The following NTRK2 variants were observed in gnomAD, a reference collection of about 807,000 sequenced individuals.
The protein encoded by NTRK2 is BDNF/NT-3 growth factors receptor.
A neutral mutation model predicts 94.5 loss-of-function variants in NTRK2; 13 were observed. The ratio of observed to expected loss-of-function variants is 0.14; its 90% CI spans 0.09 to 0.22. NTRK2 has a LOEUF of 0.22. Ranked by LOEUF, NTRK2 falls within the 10% of genes least tolerant of loss-of-function variation. The probability of loss-of-function intolerance (pLI) is 1.00; values close to 1 mark genes in which losing one functional copy is unlikely to be tolerated. For missense variants in NTRK2, 639 were observed against 1,071.2 expected (o/e 0.60, Z 5.63); for synonymous variants, 372 against 407.4 (o/e 0.91, Z 1.05).
chr9:84,754,714 G>GT (rs781500931), intron 12 of NTRK2, among the ~76,000 whole-genome samples: 1 of 152,180 alleles, frequency 6.6e-6, no homozygotes, highest in East Asian at 1.9e-4. Flanking sequence ...TGTGGCTGCT[G>GT]TGCAGATGAG....
chr9:84,757,214 C>G (rs2065160497), intron 12 of NTRK2, among the ~76,000 whole-genome samples: 1 of 152,108 alleles, frequency 6.6e-6, no homozygotes, highest in African/African-American at 2.4e-5. Flanking sequence ...TGAATGCACT[C>G]TTGTTTTTCA....
intron 15 of NTRK2, 137 bp downstream of exon 15, chr9:84,934,429 A>T: frequency 1.1e-6 from 1 of 948,940 alleles, no homozygotes; most frequent in Non-Finnish European, 1.6e-6. Flanking sequence ...AAATTCCTTT[A>T]AACTAAATGG....
chr9:84,870,098 T>A (rs1314604656), intron 14 of NTRK2, among the ~76,000 whole-genome samples: 1 of 6,608 alleles, frequency 1.5e-4, no homozygotes, highest in African/African-American at 4.7e-4. Flanking sequence ...TCCCATTGAC[T>A]ATATATATAT....
chr9:84,881,265 C>T (rs1008447886), intron 14 of NTRK2, among the ~76,000 whole-genome samples: 2 of 152,026 alleles, frequency 1.3e-5, no homozygotes, highest in African/African-American at 4.8e-5. Context: ...GGACCTTTAA[C>T]AATAAAACTC....
In NTRK2 at chr9:84,670,839, G is replaced by C; in HGVS notation, c.91G>C (p.Ala31Pro). Residue 31 changes from alanine (A) to proline (P), a missense_variant, in exon 2 of 19, where the codon GCC (alanine) becomes CCC (proline). Ala to Pro is a conservative substitution (Grantham distance 27). Coordinates refer to ENST00000277120, the MANE Select transcript of NTRK2 (RefSeq NM_006180.6). Reference protein sequence around the residue: ...LVVGFWRAAFACPTSCKCSAS... With the variant: ...LVVGFWRAAFPCPTSCKCSAS... ...TGTGGGCTTCTGGAGGGCCGCTTTCGCCTGTCCCACGTCCTGCAAATGCAG... is the reference window on the plus strand; with the variant it reads ...TGTGGGCTTCTGGAGGGCCGCTTTCCCCTGTCCCACGTCCTGCAAATGCAG... 1.9e-6 allele frequency: 3 copies of C among 1,614,044 alleles called. No homozygotes were observed. The highest frequency in any genetic ancestry group is 2.5e-6 in the Non-Finnish European group (3 of 1,180,026).
At position 84,998,218 on chromosome 9, in the gene NTRK2, T is replaced by G. The variant is rs77084043; in HGVS notation, c.2173-21988T>G. 4.8e-3 allele frequency among the ~76,000 whole-genome samples: 724 copies of G among 152,270 alleles called. 10 individuals carry two copies. Among genetic ancestry groups the G allele is most frequent in the African/African-American group, 0.017 (700 of 41,564 alleles). On this transcript the variant is annotated intron_variant, in intron 17 of 18. Coordinates refer to ENST00000277120, the MANE Select transcript of NTRK2 (RefSeq NM_006180.6). ...GTGTTTTCCAGGCACAAGCAAGCAG[T>G]CAATCACATGGATACCAAAGAGTGG...
intron 12 of NTRK2, among the ~76,000 whole-genome samples, chr9:84,803,588 G>A (rs1303477943): frequency 5.3e-5 from 8 of 152,274 alleles, no homozygotes; most frequent in African/African-American, 1.7e-4. Context: ...CTTGAACTAG[G>A]TTCCTTGAAA....
At chr9:84,835,572 C>A (rs1283276117) in intron 12 of NTRK2, among the ~76,000 whole-genome samples, 9 of 152,164 alleles carry the variant, frequency 5.9e-5, no homozygotes, top group Non-Finnish European at 1.2e-4. Context: ...ATGCACAAAA[C>A]TCCAAAGATG....
chr9:84,958,396 A>C (rs985403348), intron 17 of NTRK2, among the ~76,000 whole-genome samples: 5 of 152,252 alleles, frequency 3.3e-5, no homozygotes, highest in Admixed American at 6.5e-5. Flanking sequence ...ACCATATTTT[A>C]ACATTTGTTA....
intron 12 of NTRK2, among the ~76,000 whole-genome samples, chr9:84,804,539 T>C (rs1216967358): frequency 6.6e-6 from 1 of 152,242 alleles, no homozygotes; most frequent in Non-Finnish European, 1.5e-5. Context: ...TATATAGTTA[T>C]AGGTTGAATT....
At chr9:84,872,967 C>T (rs200215098) in intron 14 of NTRK2, 157 of 1,064,532 alleles carry the variant, frequency 1.5e-4, no homozygotes, top group South Asian at 1.8e-4. Context: ...TTCACAGAAC[C>T]GCAGAGGTTT....
At chr9:84,840,265 C>CT (rs1158579395) in intron 12 of NTRK2, among the ~76,000 whole-genome samples, 1,982 of 101,812 alleles carry the variant, frequency 0.019, 25 homozygotes, top group Middle Eastern at 0.029. Context: ...ATTGACAATT[C>CT]TTTTTTTTTT....
At chr9:84,967,293 C>G (rs984383247) in intron 17 of NTRK2, among the ~76,000 whole-genome samples, 1 of 152,338 alleles carries the variant, frequency 6.6e-6, no homozygotes, top group East Asian at 1.9e-4. Context: ...CCACAAGGAG[C>G]TGGGGCTCCC....
chr9:85,018,518 C>T (rs1360053296), intron 17 of NTRK2, among the ~76,000 whole-genome samples: 1 of 152,162 alleles, frequency 6.6e-6, no homozygotes, highest in Non-Finnish European at 1.5e-5. Flanking sequence ...ATCATTCTAC[C>T]CTCATACCGC....
chr9:84,905,305 T>A (rs1359276863), intron 14 of NTRK2, among the ~76,000 whole-genome samples: 2 of 143,666 alleles, frequency 1.4e-5, no homozygotes, highest in Non-Finnish European at 3.1e-5. Context: ...TGTGTGTGTG[T>A]GACTGACAGA....
intron 2 of NTRK2, among the ~76,000 whole-genome samples, 200 bp from the exon 3 acceptor site, chr9:84,701,959 A>G (rs1388234219): frequency 6.6e-6 from 1 of 152,230 alleles, no homozygotes; most frequent in Non-Finnish European, 1.5e-5. Flanking sequence ...TGCAAGGGTT[A>G]TTGACCATGA....
intron 14 of NTRK2, among the ~76,000 whole-genome samples, chr9:84,905,235 C>T (rs1356130505): frequency 1.3e-5 from 2 of 151,820 alleles, no homozygotes; most frequent in African/African-American, 4.8e-5. Context: ...TTCAAGGTGA[C>T]ACTGTTACCC....
chr9:84,861,120 G>C (rs772121529), intron 13 of NTRK2, 33 bp downstream of exon 13: 2 of 1,506,186 alleles, frequency 1.3e-6, no homozygotes, highest in Non-Finnish European at 1.8e-6. Context: ...CTTTGGATAA[G>C]TAATGAGTCT....
At chr9:84,852,293 T>C (rs946789168) in intron 12 of NTRK2, among the ~76,000 whole-genome samples, 7 of 152,308 alleles carry the variant, frequency 4.6e-5, no homozygotes, top group Admixed American at 3.9e-4. Context: ...AGAAGGGAAT[T>C]TGGGACATGT....
Sources: allele counts gnomAD v4.1 joint callset (sites outside exome capture counted in the v4.1 genomes callset), GRCh38; gene constraint gnomAD v4.1.1; transcripts MANE v1.5; gene names NCBI Gene and HGNC (gene_info 2026-07-23, HGNC 2026-07-21).